Variants in WDFY3 observed in about 807,000 individuals in gnomAD.
The protein encoded by WDFY3 is WD repeat and FYVE domain-containing protein 3.
In WDFY3, 66 loss-of-function variants were observed where a neutral mutation model predicts 409.6. That is an observed-to-expected ratio of 0.16 (90% CI 0.13 to 0.20). The LOEUF (loss-of-function observed/expected upper bound fraction) is 0.20, where lower values mean the gene tolerates loss of function less well. Among genes scored for constraint, WDFY3 ranks in the 10% least tolerant of loss-of-function variants. The pLI, the probability that WDFY3 is intolerant of heterozygous loss-of-function variation, is 1.00. For synonymous variants in WDFY3, 1,521 were observed against 1,537.1 expected, an observed-to-expected ratio of 0.99 and a Z score of 0.25; for missense variants, 3,031 against 4,298.1, an observed-to-expected ratio of 0.71 and a Z score of 8.24.
At chr4:84,882,857 G>A (rs1029460150) in intron 3 of WDFY3, among the ~76,000 whole-genome samples, 1 of 151,924 alleles carries the variant, frequency 6.6e-6, no homozygotes, top group African/African-American at 2.4e-5. Context: ...GGGACTACAG[G>A]TATGCACATG....
intron 2 of WDFY3, among the ~76,000 whole-genome samples, chr4:84,903,296 A>C (rs1405216288): frequency 6.6e-6 from 1 of 152,210 alleles, no homozygotes; most frequent in East Asian, 1.9e-4. Context: ...AGCAGAGCAT[A>C]TATGAAGGGA....
rs183263235 is a variant in WDFY3, at chr4:84,913,240, A to G, written c.-131-16230T>C. The stretch of plus-strand genomic sequence containing the variant: ...AAGGATTGCCAACCTATTGAAGAGA[A>G]CCCTGACAGAGACAACATCATGAAA... On this transcript the variant is annotated intron_variant, in intron 2 of 67. Transcript: ENST00000295888. Among the ~76,000 whole-genome samples the G allele has an allele frequency of 1.2e-3, 185 of 152,266 alleles. 3 individuals carry two copies. The highest frequency in any genetic ancestry group is 4.2e-3 in the African/African-American group (174 of 41,550).
intron 3 of WDFY3, among the ~76,000 whole-genome samples, chr4:84,887,849 T>C (rs540876819): frequency 1.2e-4 from 19 of 152,348 alleles, no homozygotes; most frequent in African/African-American, 4.3e-4. Context: ...TTTCTGGTTG[T>C]TCCTACCAAA....
At chr4:84,844,561 C>G in intron 5 of WDFY3, 1 of 1,268,642 alleles carries the variant, frequency 7.9e-7, no homozygotes. Flanking sequence ...CTAAATTCCA[C>G]TAATCCCACC....
intron 54 of WDFY3, among the ~76,000 whole-genome samples, chr4:84,705,169 C>T (rs947826447): frequency 6.6e-6 from 1 of 152,128 alleles, no homozygotes; most frequent in Non-Finnish European, 1.5e-5. Flanking sequence ...AGTTTTCCAC[C>T]AATACTCTGA....
At chr4:84,827,874 T>A (rs140555297) in intron 9 of WDFY3, among the ~76,000 whole-genome samples, 1 of 152,096 alleles carries the variant, frequency 6.6e-6, no homozygotes, top group South Asian at 2.1e-4. Flanking sequence ...CCTGGTGCTT[T>A]GGGAGGCTAA....
At chr4:84,903,686 C>T (rs931118510) in intron 2 of WDFY3, among the ~76,000 whole-genome samples, 3 of 152,114 alleles carry the variant, frequency 2.0e-5, no homozygotes, top group African/African-American at 7.2e-5. Flanking sequence ...CCAAACCTCA[C>T]CTTAGAGTTT....
Position 84,796,901 on chromosome 4 carries a change from T to C in WDFY3, c.2936-149A>G, listed in dbSNP as rs147251485. On this transcript the variant is annotated intron_variant, in intron 18 of 67. Transcript: ENST00000295888. ...GATCATTATCCAGTTTTAATGTACATTTACTTTTAAACTTAATAGCATGCG... is the reference window on the plus strand; with the variant it reads ...GATCATTATCCAGTTTTAATGTACACTTACTTTTAAACTTAATAGCATGCG... 1.4e-4 allele frequency: 91 copies of C among 641,638 alleles called. 1 individual carries two copies. In the East Asian group the frequency reaches 2.2e-3, roughly 15 times the overall value. The allele number at this position is 641,638 out of a possible 1,614,324, so 39.7% of individuals were successfully genotyped here.
chr4:84,860,698 A>G (rs1414948672), intron 3 of WDFY3, 76 bp from the exon 4 acceptor site: 4 of 1,240,394 alleles, frequency 3.2e-6, no homozygotes, highest in Middle Eastern at 3.1e-4. Flanking sequence ...GTAAGAGCTT[A>G]TAAGAAATTT....
Position 84,755,327 on chromosome 4 carries a change from T to C in WDFY3, c.5498A>G (p.His1833Arg), listed in dbSNP as rs1200521534. The C allele has an allele frequency of 1.2e-6, 2 of 1,612,750 alleles. No homozygotes were observed. The highest frequency in any genetic ancestry group is 4.5e-5 in the East Asian group (2 of 44,848). The change falls in exon 34 of 68, where the codon CAT becomes CGT. Residue 1833 changes from histidine (H) to arginine (R), a missense_variant. Coordinates refer to ENST00000295888, the MANE Select transcript of WDFY3 (RefSeq NM_014991.6). ...AAAAACAGCTTCTGTGCATACGTTA[T>C]GGATAGAAGAGACCACAGTTCCGCT... Reference protein sequence around the residue: ...ASSGTVVSSIHNVCTEAVFLL... With the variant: ...ASSGTVVSSIRNVCTEAVFLL...
At chr4:84,711,618 CGAG>C (rs1560575486) in intron 51 of WDFY3, among the ~76,000 whole-genome samples, 1 of 151,946 alleles carries the variant, frequency 6.6e-6, no homozygotes, top group Non-Finnish European at 1.5e-5. Context: ...TTTGGGAGGC[CGAG>C]GAGGGCGGAT....
At chr4:84,753,243 G>A (rs1433404388) in intron 35 of WDFY3, among the ~76,000 whole-genome samples, 1 of 152,136 alleles carries the variant, frequency 6.6e-6, no homozygotes, top group Non-Finnish European at 1.5e-5. Flanking sequence ...AAGTCAGGCG[G>A]AAGAAAGGAC....
chr4:84,744,354 A>T (rs907183800), intron 36 of WDFY3, among the ~76,000 whole-genome samples: 17 of 150,730 alleles, frequency 1.1e-4, no homozygotes, highest in Non-Finnish European at 2.2e-4. Context: ...GGGGAAATAC[A>T]TTTGTAACAA....
rs1171007759 is a variant in WDFY3 at position 84,786,114 on chromosome 4, C to T, written c.3927G>A (p.Val1309=). 1.2e-6 allele frequency: 2 copies of T among 1,605,828 alleles called. No homozygotes were observed. The highest frequency in any genetic ancestry group is 1.3e-5 in the African/African-American group (1 of 74,460). The change falls in exon 24 of 68, where the codon GTG becomes GTA. Residue 1309 remains valine (V), a synonymous_variant. Coordinates refer to ENST00000295888, the MANE Select transcript of WDFY3 (RefSeq NM_014991.6). ...GTACTAATGACACAGGGGATGGCAC[C>T]ACCCCTTCGGATTTTGCATCTTTAC... ...MPCKDAKSEG[V]VPSPVSLVPE...
At chr4:84,778,716 C>G (rs906738916) in intron 26 of WDFY3, 61 bp from the exon 27 acceptor site, 19 of 1,520,738 alleles carry the variant, frequency 1.2e-5, no homozygotes, top group Non-Finnish European at 1.7e-5. Flanking sequence ...ATTACACACA[C>G]ACAAACACAC....
At chr4:84,938,884 C>T (rs1021966211) in intron 1 of WDFY3, among the ~76,000 whole-genome samples, 5 of 152,104 alleles carry the variant, frequency 3.3e-5, no homozygotes, top group African/African-American at 1.2e-4. Flanking sequence ...CCTCTTCTTC[C>T]AATGTGTGTT....
intron 32 of WDFY3, among the ~76,000 whole-genome samples, chr4:84,758,776 C>T (rs1741923534): frequency 6.6e-6 from 1 of 152,120 alleles, no homozygotes; most frequent in Non-Finnish European, 1.5e-5. Context: ...ATTCCTTAAT[C>T]ACAATGAACA....
Position 84,669,652 on chromosome 4 carries a change from C to T in WDFY3, c.*3216G>A, listed in dbSNP as rs938724208. 6.8e-6 allele frequency: 1 copy of T among 147,614 alleles called. No homozygotes were observed. Among genetic ancestry groups the T allele is most frequent in the East Asian group, 2.0e-4 (1 of 5,106 alleles). 9.1% of individuals were successfully genotyped at this position (147,614 alleles called of 1,614,324 possible). On this transcript the variant is annotated 3_prime_UTR_variant, in exon 68 of 68. Coordinates refer to ENST00000295888, the MANE Select transcript of WDFY3 (RefSeq NM_014991.6). Reference sequence around the variant, plus strand: ...GTAATTGTGTTACTCTACCTTTTTGCATCAGAGACAAATATACAATGAACA... The same window carrying T: ...GTAATTGTGTTACTCTACCTTTTTGTATCAGAGACAAATATACAATGAACA...
At chr4:84,786,296 A>C (rs1719785146) in intron 23 of WDFY3, among the ~76,000 whole-genome samples, 157 bp from the exon 24 acceptor site, 1 of 152,216 alleles carries the variant, frequency 6.6e-6, no homozygotes. Context: ...CTCTTCATTT[A>C]TTTCTTTAAT....
Sources: allele counts gnomAD v4.1 joint callset (sites outside exome capture counted in the v4.1 genomes callset), GRCh38; gene constraint gnomAD v4.1.1; transcripts MANE v1.5; gene names NCBI Gene and HGNC (gene_info 2026-07-23, HGNC 2026-07-21).